The following HERC5 variants were observed in gnomAD, a reference collection of about 807,000 sequenced individuals.
The protein encoded by HERC5 is E3 ISG15--protein ligase HERC5.
HERC5 carries 99 observed loss-of-function variants against 119.6 expected under a neutral mutation model. The observed-to-expected ratio is 0.83, with a 90% confidence interval of 0.70 to 0.98. HERC5 has a LOEUF of 0.98. HERC5 is among the 50% of genes least tolerant of loss of function. The probability of loss-of-function intolerance (pLI) is 0.00; values close to 1 mark genes in which losing one functional copy is unlikely to be tolerated. For missense variants in HERC5, 1,267 were observed against 1,241.3 expected (o/e 1.02, Z -0.31); for synonymous variants, 478 against 445.9 (o/e 1.07, Z -0.91).
At chr4:88,469,672 G>T (rs762361652) in intron 9 of HERC5, among the ~76,000 whole-genome samples, 1 of 152,128 alleles carries the variant, frequency 6.6e-6, no homozygotes. Context: ...CATTATGGAA[G>T]GTCCTTTCTT....
intron 11 of HERC5, 111 bp from the exon 12 acceptor site, chr4:88,475,730 A>G: frequency 1.1e-6 from 1 of 888,006 alleles, no homozygotes; most frequent in Non-Finnish European, 1.8e-6. Context: ...GATTATTCTC[A>G]TTTAGTAGTA....
At chr4:88,474,362 G>C (rs1325060188) in intron 11 of HERC5, among the ~76,000 whole-genome samples, 1 of 152,224 alleles carries the variant, frequency 6.6e-6, no homozygotes, top group Non-Finnish European at 1.5e-5. Context: ...ATTCGAGGCA[G>C]CTAGAAAAGC....
At chr4:88,470,715 A>T in intron 10 of HERC5, 42 bp downstream of exon 10, 1 of 895,428 alleles carries the variant, frequency 1.1e-6, no homozygotes, top group Non-Finnish European at 1.7e-6. Context: ...TTGTATTAAG[A>T]GTACCGTGAA....
At chr4:88,461,623 T>C (rs1164100716) in intron 3 of HERC5, among the ~76,000 whole-genome samples, 4 of 152,232 alleles carry the variant, frequency 2.6e-5, no homozygotes, top group African/African-American at 9.7e-5. Context: ...CTAAAAAATG[T>C]GCTCCATATA....
At chr4:88,461,491 T>C (rs962573183) in intron 3 of HERC5, among the ~76,000 whole-genome samples, 5 of 152,186 alleles carry the variant, frequency 3.3e-5, no homozygotes, top group African/African-American at 9.7e-5. Flanking sequence ...GAGGCTCTGC[T>C]TCCCACCACA....
At chr4:88,469,376 C>A in intron 9 of HERC5, 116 bp downstream of exon 9, 1 of 715,710 alleles carries the variant, frequency 1.4e-6, no homozygotes, top group Non-Finnish European at 2.5e-6. Context: ...GAAACAAACT[C>A]ATAGGATATG....
At chr4:88,474,695 G>C (rs1740997196) in intron 11 of HERC5, among the ~76,000 whole-genome samples, 1 of 152,192 alleles carries the variant, frequency 6.6e-6, no homozygotes, top group African/African-American at 2.4e-5. Context: ...GAAAGATCCA[G>C]AGAAATTCCC....
At chr4:88,485,674 G>A (rs570453463) in intron 13 of HERC5, among the ~76,000 whole-genome samples, 120 of 152,170 alleles carry the variant, frequency 7.9e-4, no homozygotes, top group Non-Finnish European at 1.4e-3. Context: ...TAATAACCCT[G>A]ATCATATCAT....
At chr4:88,469,019 G>C (rs1740774037) in intron 8 of HERC5, 138 bp from the exon 9 acceptor site, 1 of 586,488 alleles carries the variant, frequency 1.7e-6, no homozygotes, top group Non-Finnish European at 3.0e-6. Flanking sequence ...TATTTGTTGA[G>C]TATCACTTTG....
chr4:88,496,094 C>G (rs1390445031), intron 18 of HERC5, among the ~76,000 whole-genome samples: 1 of 152,146 alleles, frequency 6.6e-6, no homozygotes, highest in Non-Finnish European at 1.5e-5. Flanking sequence ...CATGAAAACT[C>G]TTCTGTTTAC....
At position 88,463,974 on chromosome 4, in the gene HERC5, A is replaced by G. The variant is rs1740549308; in HGVS notation, c.900A>G (p.Ile300Met). 1.9e-6 allele frequency: 3 copies of G among 1,612,918 alleles called. No homozygotes were observed. Among genetic ancestry groups the G allele is most frequent in the East Asian group, 2.2e-5 (1 of 44,874 alleles). The change falls in exon 6 of 23, where the codon ATA becomes ATG. Residue 300 changes from isoleucine to methionine, a missense_variant. By Grantham distance (10) the Ile-to-Met change is conservative. Around this residue, in one of 3 missense-constraint regions of HERC5, gnomAD observed 777 missense variants for 758.0 expected, o/e 1.03. Transcript: ENST00000264350. ...TTGTTGGGTATAGAGTGACTCAGAT[A>G]GCATGTGGAAGGTAAGTTGTAAAGT... is the stretch of plus-strand genomic sequence containing the variant. Reference protein sequence around the residue: ...AELVGYRVTQIACGRWHTLAY... With the variant: ...AELVGYRVTQMACGRWHTLAY...
At chr4:88,474,162 A>G (rs1740971570) in intron 11 of HERC5, among the ~76,000 whole-genome samples, 1 of 152,214 alleles carries the variant, frequency 6.6e-6, no homozygotes, top group Non-Finnish European at 1.5e-5. Context: ...ATACATGCAT[A>G]CATCAGTGCA....
chr4:88,470,729 G>A (rs1740841381), intron 10 of HERC5, 56 bp downstream of exon 10: 1 of 793,000 alleles, frequency 1.3e-6, no homozygotes. Flanking sequence ...CCGTGAAAGA[G>A]GATAAAAAAA....
At chr4:88,470,731 A>AT in intron 10 of HERC5, 58 bp downstream of exon 10, 1 of 779,752 alleles carries the variant, frequency 1.3e-6, no homozygotes, top group Non-Finnish European at 2.0e-6. Flanking sequence ...GTGAAAGAGG[A>AT]TAAAAAAATG....
intron 15 of HERC5, 36 bp downstream of exon 15, chr4:88,487,215 A>G (rs370455399): frequency 1.7e-6 from 2 of 1,165,266 alleles, no homozygotes; most frequent in African/African-American, 3.0e-5. Flanking sequence ...AGCATAAATC[A>G]CATGCTAAGC....
At chr4:88,505,538 C>T in intron 22 of HERC5, 135 bp from the exon 23 acceptor site, 1 of 614,002 alleles carries the variant, frequency 1.6e-6, no homozygotes, top group South Asian at 2.1e-5. Flanking sequence ...CGAATACAAT[C>T]CCCAATGCAC....
chr4:88,478,972 A>G (rs1741175705), intron 12 of HERC5, among the ~76,000 whole-genome samples: 1 of 152,002 alleles, frequency 6.6e-6, no homozygotes, highest in Non-Finnish European at 1.5e-5. Flanking sequence ...TATGTATCCC[A>G]TTACATTTTG....
At chr4:88,487,003 A>C (rs993065900) in intron 14 of HERC5, 66 bp from the exon 15 acceptor site, 33 of 1,066,918 alleles carry the variant, frequency 3.1e-5, no homozygotes, top group Non-Finnish European at 4.5e-5. Flanking sequence ...ATGTAAGGCT[A>C]TGAGGTAAAG....
rs905788190 is a variant in HERC5 at position 88,462,265 on chromosome 4, A to C, written c.597A>C (p.Gly199=). 2 of 1,614,198 alleles carry C rather than the reference A, an allele frequency of 1.2e-6. No homozygotes were observed. Among genetic ancestry groups the C allele is most frequent in the Non-Finnish European group, 1.7e-6 (2 of 1,180,036 alleles). ...AGVPLAQISA[G]EAHSMALSMS... is the part of the protein sequence containing the mutation. ...TACCCTTGGCTCAGATTTCTGCCGGAGAAGCCCACAGCATGGCCTTATCCA... is the reference window on the plus strand; with the variant it reads ...TACCCTTGGCTCAGATTTCTGCCGGCGAAGCCCACAGCATGGCCTTATCCA... The change falls in exon 4 of 23, where the codon GGA becomes GGC. Residue 199 remains glycine (G), a synonymous_variant. Coordinates refer to ENST00000264350, the MANE Select transcript of HERC5 (RefSeq NM_016323.4).
Sources: gnomAD v4.1 joint callset for allele counts (sites outside exome capture counted in the v4.1 genomes callset) on GRCh38, gnomAD v4.1.1 for gene constraint, gnomAD v4.1.1 regional missense constraint, MANE v1.5 for transcripts, NCBI Gene and HGNC (gene_info 2026-07-23, HGNC 2026-07-21) for gene names.